SLC24A2: variants seen among roughly 807,000 people sequenced by gnomAD.
SLC24A2 encodes the protein solute carrier family 24 member 2, also known as sodium/potassium/calcium exchanger 2.
A neutral mutation model predicts 62.0 loss-of-function variants in SLC24A2; 36 were observed. The observed-to-expected ratio is 0.58, with a 90% CI of 0.44 to 0.77. The LOEUF (loss-of-function observed/expected upper bound fraction) is 0.77. SLC24A2 is among the 30% of genes least tolerant of loss of function. The pLI is 0.00. For synonymous variants in SLC24A2, 358 were observed against 294.0 expected, an observed-to-expected ratio of 1.22 and a Z score of -2.23; for missense variants, 846 against 817.9, an observed-to-expected ratio of 1.03 and a Z score of -0.42.
At chr9:20,160,526 A>G in the SLC24A2 span, among the ~76,000 whole-genome samples, 7 of 151,562 alleles carry the variant, frequency 4.6e-5, no homozygotes, top group South Asian at 1.5e-3. Context: ...AAAAATTGAT[A>G]TGGTAGTTTA....
chr9:19,956,219 AC>A, the SLC24A2 span, among the ~76,000 whole-genome samples: 1 of 152,238 alleles, frequency 6.6e-6, no homozygotes, highest in Non-Finnish European at 1.5e-5. Flanking sequence ...AGAACATAGT[AC>A]CTTCACAGGG....
At chr9:19,739,782 A>G (rs938224312) in intron 2 of SLC24A2, among the ~76,000 whole-genome samples, 1 of 152,214 alleles carries the variant, frequency 6.6e-6, no homozygotes, top group Non-Finnish European at 1.5e-5. Flanking sequence ...AAGACTAAAT[A>G]AGCATTAACT....
chr9:19,589,163 G>C (rs1836471737), intron 5 of SLC24A2, among the ~76,000 whole-genome samples: 2 of 152,132 alleles, frequency 1.3e-5, no homozygotes, highest in Admixed American at 1.3e-4. Flanking sequence ...TGGCCAAAGA[G>C]GATATTCATG....
chr9:20,089,193 C>A, the SLC24A2 span, among the ~76,000 whole-genome samples: 1 of 152,124 alleles, frequency 6.6e-6, no homozygotes, highest in Non-Finnish European at 1.5e-5. Context: ...CTGCAGGGAC[C>A]AGAAACTGGT....
chr9:19,762,454 A>G (rs996626192), intron 2 of SLC24A2, among the ~76,000 whole-genome samples: 5 of 152,204 alleles, frequency 3.3e-5, no homozygotes, highest in African/African-American at 1.2e-4. Context: ...CTTACGTTTA[A>G]GTCTTTAATC....
At chr9:20,031,436 G>A in the SLC24A2 span, among the ~76,000 whole-genome samples, 2 of 148,310 alleles carry the variant, frequency 1.3e-5, no homozygotes, top group African/African-American at 4.9e-5. Flanking sequence ...CACTTTAAAA[G>A]TAGAGAAAAA....
rs576220192 is a variant in SLC24A2, at chr9:19,513,478, G to C, written c.*2675C>G. On this transcript the variant is annotated 3_prime_UTR_variant, in exon 11 of 11. Transcript: ENST00000341998. ...TAGGTCAGGCTCAGTGCACATGACTGATGTGGGAACGGGGCTTGGAAATTT... is the reference window on the plus strand; with the variant it reads ...TAGGTCAGGCTCAGTGCACATGACTCATGTGGGAACGGGGCTTGGAAATTT... 4 of 152,070 alleles carry C rather than the reference G, an allele frequency of 2.6e-5. No individual in the cohort carries two copies. The highest frequency in any genetic ancestry group is 9.7e-5 in the African/African-American group (4 of 41,396). The allele number at this position is 152,070 out of a possible 1,614,324, so 9.4% of individuals were successfully genotyped here.
chr9:20,203,187 A>T, the SLC24A2 span, among the ~76,000 whole-genome samples: 1 of 152,090 alleles, frequency 6.6e-6, no homozygotes, highest in East Asian at 1.9e-4. Context: ...ACCAAATCTA[A>T]GCTGTGAACA....
the SLC24A2 span, among the ~76,000 whole-genome samples, chr9:20,079,327 C>T: frequency 6.6e-6 from 1 of 152,176 alleles, no homozygotes; most frequent in African/African-American, 2.4e-5. Context: ...AAAAAATACT[C>T]TTGTTAAAGT....
the SLC24A2 span, among the ~76,000 whole-genome samples, chr9:19,836,648 T>C: frequency 6.6e-6 from 1 of 152,016 alleles, no homozygotes; most frequent in Admixed American, 6.6e-5. Context: ...CTACCAGAGG[T>C]ACAAGGAGGA....
chr9:19,913,263 A>G, the SLC24A2 span, among the ~76,000 whole-genome samples: 1 of 152,116 alleles, frequency 6.6e-6, no homozygotes, highest in African/African-American at 2.4e-5. Flanking sequence ...GCAGGCTTAT[A>G]CCAGAGATAC....
intron 2 of SLC24A2, among the ~76,000 whole-genome samples, chr9:19,721,059 TTAA>T (rs1821012237): frequency 6.6e-6 from 1 of 152,116 alleles, no homozygotes. Flanking sequence ...TCCCATAAGT[TTAA>T]CTCTATGGTA....
the SLC24A2 span, among the ~76,000 whole-genome samples, chr9:20,269,018 T>C: frequency 3.3e-4 from 50 of 152,334 alleles, 1 homozygote; most frequent in East Asian, 9.6e-3. Context: ...CTAAGAATTA[T>C]TTTTAGGTAC....
chr9:20,206,493 T>C, the SLC24A2 span, among the ~76,000 whole-genome samples: 1 of 152,142 alleles, frequency 6.6e-6, no homozygotes, highest in Non-Finnish European at 1.5e-5. Context: ...ATTATTATTA[T>C]ATTATTATTA....
intron 10 of SLC24A2, among the ~76,000 whole-genome samples, chr9:19,518,920 C>G (rs961862030): frequency 2.6e-5 from 4 of 151,736 alleles, no homozygotes; most frequent in Admixed American, 2.0e-4. Flanking sequence ...ATGTCAATAC[C>G]CATTAAGATG....
intron 9 of SLC24A2, among the ~76,000 whole-genome samples, chr9:19,523,777 T>C (rs1318569138): frequency 1.3e-5 from 2 of 152,190 alleles, no homozygotes; most frequent in Non-Finnish European, 2.9e-5. Flanking sequence ...AACCAGATTT[T>C]ATAACTCAGA....
chr9:20,180,682 T>C, the SLC24A2 span, among the ~76,000 whole-genome samples: 128,405 of 152,116 alleles, frequency 0.84, 54,692 homozygotes, highest in Non-Finnish European at 0.9. Flanking sequence ...GCATAAGTTT[T>C]GCTATCTGGT....
chr9:19,642,593 T>C (rs781060720), intron 2 of SLC24A2, among the ~76,000 whole-genome samples: 1 of 152,000 alleles, frequency 6.6e-6, no homozygotes, highest in Non-Finnish European at 1.5e-5. Flanking sequence ...CCTGCTTACA[T>C]TGACCAAATA....
At chr9:19,830,973 G>A in the SLC24A2 span, among the ~76,000 whole-genome samples, 1 of 152,162 alleles carries the variant, frequency 6.6e-6, no homozygotes, top group Non-Finnish European at 1.5e-5. Flanking sequence ...TTCCAAGAGG[G>A]TGCAGTGTTG....
Sources: allele counts gnomAD v4.1 joint callset (sites outside exome capture counted in the v4.1 genomes callset), GRCh38; gene constraint gnomAD v4.1.1; transcripts MANE v1.5; gene names NCBI Gene and HGNC (gene_info 2026-07-23, HGNC 2026-07-21).